CCDC7: variants seen among roughly 807,000 people sequenced by gnomAD.
CCDC7 encodes the protein coiled-coil domain-containing protein 7.
In CCDC7, 183 loss-of-function variants were observed where a neutral mutation model predicts 196.9. The ratio of observed to expected loss-of-function variants is 0.93; its 90% CI spans 0.82 to 1.05. CCDC7 has a LOEUF of 1.05. Ranked by LOEUF, CCDC7 falls within the 50% of genes least tolerant of loss-of-function variation. CCDC7 has a pLI of 0.00. For synonymous variants in CCDC7, 525 were observed against 484.6 expected (o/e 1.08, Z -1.10); for missense variants, 1,540 against 1,482.2 (o/e 1.04, Z -0.64).
intron 25 of CCDC7, among the ~76,000 whole-genome samples, chr10:32,725,187 T>A (rs1307604069): frequency 3.9e-5 from 6 of 152,118 alleles, no homozygotes; most frequent in African/African-American, 1.4e-4. Context: ...CTTCATTTTG[T>A]ATGTATATAT....
intron 3 of CCDC7, among the ~76,000 whole-genome samples, chr10:32,461,776 C>A (rs1412992355): frequency 3.3e-5 from 3 of 92,306 alleles, no homozygotes; most frequent in African/African-American, 1.2e-4. Context: ...CACATATGTA[C>A]ATTTTTTTTT....
chr10:32,795,314 G>T (rs1478781906), intron 29 of CCDC7, among the ~76,000 whole-genome samples: 1 of 151,900 alleles, frequency 6.6e-6, no homozygotes, highest in Non-Finnish European at 1.5e-5. Flanking sequence ...TTTTCTTCAG[G>T]CTCACTGGTT....
intron 41 of CCDC7, among the ~76,000 whole-genome samples, chr10:32,855,253 C>A (rs1294622543): frequency 2.0e-5 from 3 of 151,570 alleles, no homozygotes; most frequent in African/African-American, 7.3e-5. Context: ...CAGTCCTCAA[C>A]CTTTTTGACA....
At chr10:32,714,102 T>G (rs1565257565) in intron 25 of CCDC7, among the ~76,000 whole-genome samples, 1 of 152,114 alleles carries the variant, frequency 6.6e-6, no homozygotes, top group Non-Finnish European at 1.5e-5. Flanking sequence ...GGGGCTATAT[T>G]CCCAGGCAAG....
chr10:32,634,545 C>T (rs945182642), intron 19 of CCDC7, among the ~76,000 whole-genome samples, 181 bp downstream of exon 20: 4 of 152,080 alleles, frequency 2.6e-5, no homozygotes, highest in South Asian at 2.1e-4. Flanking sequence ...TACAGGTGCA[C>T]GTCACCATGC....
chr10:32,554,950 C>T (rs930386912), intron 13 of CCDC7, among the ~76,000 whole-genome samples: 69 of 152,322 alleles, frequency 4.5e-4, no homozygotes, highest in African/African-American at 1.7e-3. Flanking sequence ...TAAGTGAGAA[C>T]ATGTGAAGTT....
chr10:32,743,994 G>T (rs2074256331), intron 28 of CCDC7, among the ~76,000 whole-genome samples: 1 of 119,692 alleles, frequency 8.4e-6, no homozygotes, highest in African/African-American at 3.1e-5. Flanking sequence ...GTTGTGGGGT[G>T]GGGGGAGGGG....
At chr10:32,667,328 A>C (rs1259175221) in intron 21 of CCDC7, among the ~76,000 whole-genome samples, 1 of 151,956 alleles carries the variant, frequency 6.6e-6, no homozygotes, top group South Asian at 2.1e-4. Flanking sequence ...CTGCCTGTTC[A>C]CTCTGATGGT....
intron 18 of CCDC7, among the ~76,000 whole-genome samples, chr10:32,613,948 C>T (rs1437808828): frequency 1.3e-5 from 2 of 152,170 alleles, no homozygotes; most frequent in African/African-American, 2.4e-5. Context: ...GAGCTGAGTT[C>T]AAGTCCTGAA....
chr10:32,527,714 T>C (rs925304816), intron 11 of CCDC7, among the ~76,000 whole-genome samples: 2 of 152,178 alleles, frequency 1.3e-5, no homozygotes, highest in African/African-American at 2.4e-5. Context: ...GTGGAAGTAA[T>C]TGTTATATCC....
intron 18 of CCDC7, among the ~76,000 whole-genome samples, chr10:32,632,989 TTTC>T (rs1345577999): frequency 6.6e-6 from 1 of 152,212 alleles, no homozygotes; most frequent in Non-Finnish European, 1.5e-5. Flanking sequence ...TCAATTCTAT[TTTC>T]TTCTTGATCT....
At chr10:32,739,565 T>C (rs1278860824) in intron 28 of CCDC7, among the ~76,000 whole-genome samples, 1 of 152,146 alleles carries the variant, frequency 6.6e-6, no homozygotes, top group East Asian at 1.9e-4. Context: ...ATCTTAGACA[T>C]AATTATTTTA....
intron 18 of CCDC7, among the ~76,000 whole-genome samples, chr10:32,602,415 C>T (rs951469236): frequency 4.2e-4 from 64 of 152,090 alleles, no homozygotes; most frequent in African/African-American, 1.4e-3. Flanking sequence ...GAATAAATTC[C>T]GGACACAGAC....
chr10:32,782,416 C>T (rs899164324), intron 29 of CCDC7, among the ~76,000 whole-genome samples: 3 of 152,054 alleles, frequency 2.0e-5, no homozygotes, highest in Non-Finnish European at 2.9e-5. Flanking sequence ...TTAGAAGAAA[C>T]GGGGTTTCAC....
chr10:32,824,060 C>T (rs1262694706), intron 31 of CCDC7, among the ~76,000 whole-genome samples: 1 of 151,848 alleles, frequency 6.6e-6, no homozygotes, highest in African/African-American at 2.4e-5. Context: ...TTGTGATGAC[C>T]ATTGTGTGCA....
chr10:32,526,235 G>A lies in CCDC7; in HGVS notation c.993+7730G>A, dbSNP rs573887202. Reference sequence around the variant, plus strand: ...GCTTCTGCCTGTACACACCGTTGATGCTGACTTAAAGCTCATGGTCTCTTC... The same window carrying A: ...GCTTCTGCCTGTACACACCGTTGATACTGACTTAAAGCTCATGGTCTCTTC... On this transcript the variant is annotated intron_variant, in intron 11 of 41. Transcript: ENST00000639629. Among the ~76,000 whole-genome samples the A allele has an allele frequency of 2.6e-5, 4 of 152,284 alleles. No homozygotes were observed. The South Asian group carries it at 6.2e-4, about 24-fold the overall frequency.
At chr10:32,827,565 G>A (rs1593193534) in intron 32 of CCDC7, among the ~76,000 whole-genome samples, 1 of 147,442 alleles carries the variant, frequency 6.8e-6, no homozygotes, top group Non-Finnish European at 1.5e-5. Context: ...GCAGTAGCGT[G>A]TTCTCACTCA....
intron 18 of CCDC7, among the ~76,000 whole-genome samples, chr10:32,598,916 G>C (rs73255481): frequency 0.052 from 7,855 of 152,170 alleles, 664 homozygotes; most frequent in African/African-American, 0.18. Context: ...CTGCATATAT[G>C]TGTTAGGTCC....
intron 9 of CCDC7, among the ~76,000 whole-genome samples, chr10:32,503,248 T>C (rs11592134): frequency 0.13 from 20,319 of 150,664 alleles, 1,605 homozygotes; most frequent in African/African-American, 0.22. Flanking sequence ...CTTTCAACTT[T>C]TCACTGTTGA....
Sources: allele counts gnomAD v4.1 joint callset (sites outside exome capture counted in the v4.1 genomes callset), GRCh38; gene constraint gnomAD v4.1.1; transcripts MANE v1.5; gene names NCBI Gene and HGNC (gene_info 2026-07-23, HGNC 2026-07-21).